Variants in FRMD4A observed in about 807,000 individuals in gnomAD.
FRMD4A encodes FERM domain-containing protein 4A.
Under a neutral mutation model 129.1 loss-of-function variants are expected in FRMD4A, and 29 were observed. That is an observed-to-expected ratio of 0.22 (90% CI 0.17 to 0.31). The LOEUF (loss-of-function observed/expected upper bound fraction) is 0.31, where lower values mean the gene tolerates loss of function less well. Among genes scored for constraint, FRMD4A ranks in the 10% least tolerant of loss-of-function variants. FRMD4A has a pLI of 1.00. For missense variants in FRMD4A, 1,272 were observed against 1,375.8 expected (o/e 0.92, Z 1.19); for synonymous variants, 634 against 571.6 (o/e 1.11, Z -1.56).
chr10:13,773,738 T>A (rs1233854475), intron 6 of FRMD4A, among the ~76,000 whole-genome samples: 1 of 152,226 alleles, frequency 6.6e-6, no homozygotes, highest in Non-Finnish European at 1.5e-5. Flanking sequence ...GAACCCAGAA[T>A]AGGCAGGATT....
At chr10:14,242,880 G>C (rs1624022) in intron 2 of FRMD4A, among the ~76,000 whole-genome samples, 117,337 of 151,532 alleles carry the variant, frequency 0.77, 45,712 homozygotes, top group Admixed American at 0.82. Flanking sequence ...AATTCCACTT[G>C]TAGATATAGA....
intron 2 of FRMD4A, among the ~76,000 whole-genome samples, chr10:14,129,897 G>A (rs1300251293): frequency 6.6e-6 from 1 of 152,186 alleles, no homozygotes; most frequent in Admixed American, 6.5e-5. Flanking sequence ...GTGGGCACCT[G>A]GCACCTGGCT....
At chr10:13,699,864 A>G (rs745598345) in intron 14 of FRMD4A, among the ~76,000 whole-genome samples, 4 of 152,124 alleles carry the variant, frequency 2.6e-5, no homozygotes, top group Non-Finnish European at 5.9e-5. Context: ...TCGAGCTTCA[A>G]ATTCCTGCGC....
chr10:13,679,339 A>G (rs2084270728), intron 15 of FRMD4A, among the ~76,000 whole-genome samples: 1 of 136,522 alleles, frequency 7.3e-6, no homozygotes, highest in Non-Finnish European at 1.5e-5. Flanking sequence ...GAGGCAGGGA[A>G]TTGCTTGAAC....
intron 2 of FRMD4A, among the ~76,000 whole-genome samples, chr10:13,940,032 G>A (rs549560402): frequency 2.6e-5 from 4 of 152,034 alleles, no homozygotes; most frequent in Non-Finnish European, 4.4e-5. Context: ...GTTGAAGTCC[G>A]GTCCACCATG....
rs78431542 is a variant in FRMD4A, at chr10:13,973,336, T to G, written c.46-114424A>C. Among the ~76,000 whole-genome samples, 245 of 152,302 alleles carry G rather than the reference T, an allele frequency of 1.6e-3. 5 individuals are homozygous for G. In the East Asian group the frequency reaches 0.045, roughly 28 times the overall value. On this transcript the variant is annotated intron_variant, in intron 2 of 24. Transcript: ENST00000357447. ...TTTGCTTTGAATTTATGCATTAATT[T>G]GTTTAATTAATATAATGCAGCCTTT...
At chr10:14,164,959 T>G (rs1253991527) in intron 2 of FRMD4A, among the ~76,000 whole-genome samples, 3 of 152,162 alleles carry the variant, frequency 2.0e-5, no homozygotes, top group African/African-American at 7.2e-5. Context: ...CTCCTTCCAG[T>G]GTGGCCCAGG....
chr10:14,039,432 A>ATC (rs57680580), intron 2 of FRMD4A, among the ~76,000 whole-genome samples: 8 of 148,554 alleles, frequency 5.4e-5, no homozygotes, highest in African/African-American at 2.0e-4. Flanking sequence ...CTATCTATCT[A>ATC]TATTGGAACC....
At chr10:14,002,410 G>C (rs548960503) in intron 2 of FRMD4A, among the ~76,000 whole-genome samples, 2 of 152,178 alleles carry the variant, frequency 1.3e-5, no homozygotes, top group Non-Finnish European at 2.9e-5. Flanking sequence ...GTACTGACAC[G>C]TAAGAGTGAA....
intron 2 of FRMD4A, among the ~76,000 whole-genome samples, chr10:13,971,223 A>T (rs931797636): frequency 6.6e-6 from 1 of 152,238 alleles, no homozygotes; most frequent in African/African-American, 2.4e-5. Context: ...GCACGGTTTG[A>T]TAAATCATCC....
intron 2 of FRMD4A, among the ~76,000 whole-genome samples, chr10:13,867,732 A>ATAT (rs2094389108): frequency 1.1e-5 from 1 of 88,622 alleles, no homozygotes; most frequent in Non-Finnish European, 2.2e-5. Flanking sequence ...AATATATAAT[A>ATAT]AATAACATAT....
intron 15 of FRMD4A, among the ~76,000 whole-genome samples, chr10:13,689,579 TCTCA>T (rs1233250725): frequency 1.4e-5 from 2 of 139,034 alleles, no homozygotes; most frequent in African/African-American, 5.6e-5. Flanking sequence ...AGAGACAGGG[TCTCA>T]CTCTGTCACC....
At chr10:13,672,780 G>T (rs1368080794) in intron 16 of FRMD4A, among the ~76,000 whole-genome samples, 1 of 152,142 alleles carries the variant, frequency 6.6e-6, no homozygotes, top group Non-Finnish European at 1.5e-5. Context: ...TGAGCTGAGG[G>T]GAGAGATGCA....
intron 2 of FRMD4A, among the ~76,000 whole-genome samples, chr10:13,865,643 G>A (rs188804120): frequency 1.1e-4 from 17 of 151,644 alleles, no homozygotes; most frequent in African/African-American, 3.4e-4. Context: ...GTAGAGACAC[G>A]TCTCACTATG....
intron 2 of FRMD4A, among the ~76,000 whole-genome samples, chr10:14,252,177 A>G (rs1844462938): frequency 6.6e-6 from 1 of 152,040 alleles, no homozygotes; most frequent in African/African-American, 2.4e-5. Context: ...TTCCTCTCCT[A>G]GTTTATTTTC....
At chr10:14,261,527 C>A (rs1046925434) in intron 2 of FRMD4A, among the ~76,000 whole-genome samples, 1 of 152,152 alleles carries the variant, frequency 6.6e-6, no homozygotes, top group African/African-American at 2.4e-5. Context: ...AAACAGCTCT[C>A]AGAGAAGCAA....
At chr10:14,090,078 A>G (rs1836571953) in intron 2 of FRMD4A, among the ~76,000 whole-genome samples, 1 of 152,226 alleles carries the variant, frequency 6.6e-6, no homozygotes, top group East Asian at 1.9e-4. Flanking sequence ...GCAGGGGCAG[A>G]TGGCTGCTGG....
Position 14,210,014 on chromosome 10 carries a change from C to T in FRMD4A, c.45+120044G>A, listed in dbSNP as rs529116247. 6.6e-5 allele frequency among the ~76,000 whole-genome samples: 10 copies of T among 152,294 alleles called. No homozygotes were observed. In the South Asian group the frequency reaches 1.9e-3, roughly 28 times the overall value. On this transcript the variant is annotated intron_variant, in intron 2 of 24. Coordinates refer to ENST00000357447, the MANE Select transcript of FRMD4A (RefSeq NM_018027.5). ...GAGAAGGAAGGATTCCAGGAGGAGC[C>T]AACCCTGCAGGCATCTCAATTTCAT...
chr10:13,709,711 A>C (rs2087821289), intron 12 of FRMD4A, among the ~76,000 whole-genome samples: 1 of 152,160 alleles, frequency 6.6e-6, no homozygotes, highest in Non-Finnish European at 1.5e-5. Context: ...TGCTCAGGCA[A>C]AGTGAAGTCT....
Sources: gnomAD v4.1 joint callset for allele counts (sites outside exome capture counted in the v4.1 genomes callset) on GRCh38, gnomAD v4.1.1 for gene constraint, MANE v1.5 for transcripts, NCBI Gene and HGNC (gene_info 2026-07-23, HGNC 2026-07-21) for gene names.